KCNG4: variants seen among roughly 807,000 people sequenced by gnomAD.
The protein encoded by KCNG4 is potassium voltage-gated channel modifier subfamily G member 4, also known as voltage-gated potassium channel regulatory subunit KCNG4.
KCNG4 carries 30 observed loss-of-function variants against 28.2 expected under a neutral mutation model. That is an observed-to-expected ratio of 1.06 (90% confidence interval 0.80 to 1.44). The LOEUF (loss-of-function observed/expected upper bound fraction) is 1.44, where lower values mean the gene tolerates loss of function less well. KCNG4 is among the 40% of genes most tolerant of loss of function. The probability of loss-of-function intolerance (pLI) is 0.00; values close to 1 mark genes in which losing one functional copy is unlikely to be tolerated. For synonymous variants in KCNG4, 375 were observed against 315.5 expected (o/e 1.19, Z -2.00); for missense variants, 879 against 712.3 (o/e 1.23, Z -2.66).
chr16:84,222,811 C>A lies in KCNG4; in HGVS notation c.966G>T (p.Arg322Ser). The stretch of plus-strand genomic sequence containing the variant: ...TCTCCAGGTAGGAGCTCCCGCTCGG[C>A]CTCTCGCCGTCCTCCGGGGGCTCCT... ...VSEEPPEDGE[R>S]PSGSSYLEKV... The change falls in exon 3 of 3, where the codon AGG becomes AGT. Residue 322 changes from arginine (R) to serine (S), a missense_variant. Transcript: ENST00000308251. The A allele has an allele frequency of 6.2e-7, 1 of 1,610,088 alleles. No individual in the cohort carries two copies. Among genetic ancestry groups the A allele is most frequent in the Non-Finnish European group, 8.5e-7 (1 of 1,177,040 alleles).
intron 2 of KCNG4, among the ~76,000 whole-genome samples, chr16:84,233,559 C>T (rs1904874976): frequency 6.6e-6 from 1 of 152,046 alleles, no homozygotes; most frequent in Non-Finnish European, 1.5e-5. Context: ...AAAAAATTAG[C>T]TGGGTGTGGT....
At chr16:84,225,703 G>A (rs1904681677) in intron 2 of KCNG4, among the ~76,000 whole-genome samples, 1 of 152,254 alleles carries the variant, frequency 6.6e-6, no homozygotes, top group South Asian at 2.1e-4. Context: ...AGAAGGCGCT[G>A]CCAGGTCCTC....
intron 2 of KCNG4, among the ~76,000 whole-genome samples, chr16:84,233,065 C>CTGAATGAA (rs149420585): frequency 1.1e-3 from 161 of 151,842 alleles, no homozygotes; most frequent in Non-Finnish European, 1.7e-3. Flanking sequence ...TTAACTACTA[C>CTGAATGAA]TGAATGAATG....
rs1420984041 is a variant in KCNG4, at chr16:84,237,139, C to A, written c.347G>T (p.Ser116Ile). The A allele has an allele frequency of 7.4e-6, 12 of 1,614,066 alleles. No homozygotes were observed. Among genetic ancestry groups the A allele is most frequent in the Non-Finnish European group, 1.0e-5 (12 of 1,180,050 alleles). ...EDSQEFFFDRSPSAFGVIVSF... is the reference protein window; with the variant it reads ...EDSQEFFFDRIPSAFGVIVSF... The stretch of plus-strand genomic sequence containing the variant: ...CACGATCACCCCGAAGGCGCTGGGG[C>A]TCCTGTCGAAGAAGAACTCCTGGCT... The change falls in exon 2 of 3, where the codon AGC becomes ATC. Residue 116 changes from serine to isoleucine, a missense_variant. Ser to Ile is a moderately radical substitution (Grantham distance 142). Coordinates refer to ENST00000308251, the MANE Select transcript of KCNG4 (RefSeq NM_172347.3).
intron 1 of KCNG4, among the ~76,000 whole-genome samples, chr16:84,239,414 A>T (rs1282711377): frequency 6.6e-6 from 1 of 152,196 alleles, no homozygotes; most frequent in East Asian, 1.9e-4. Context: ...GCAAATCCGA[A>T]TCCAACCCAG....
chr16:84,229,190 C>T (rs1014199984), intron 2 of KCNG4, among the ~76,000 whole-genome samples: 2 of 151,574 alleles, frequency 1.3e-5, no homozygotes. Flanking sequence ...ATCCGTTACT[C>T]GGGAGGCTGA....
In KCNG4 at chr16:84,221,537, C is replaced by G. The variant is rs759732709; in HGVS notation, c.*680G>C. On this transcript the variant is annotated 3_prime_UTR_variant, in exon 3 of 3. Coordinates refer to ENST00000308251, the MANE Select transcript of KCNG4 (RefSeq NM_172347.3). Reference sequence around the variant, plus strand: ...AGATCCCAGGCATGCCTGGGGATGCCTGCTCCTTCTTGAGCTCCAGGTAAA... The same window carrying G: ...AGATCCCAGGCATGCCTGGGGATGCGTGCTCCTTCTTGAGCTCCAGGTAAA... 4 of 152,212 alleles carry G rather than the reference C, an allele frequency of 2.6e-5. No homozygotes were observed. Among genetic ancestry groups the G allele is most frequent in the Non-Finnish European group, 4.4e-5 (3 of 68,088 alleles). 9.4% of individuals were successfully genotyped at this position (152,212 alleles called of 1,614,324 possible). A position where few individuals can be genotyped will look rare whatever the true frequency, so the allele number is the denominator to read the frequency against.
At position 84,236,716 on chromosome 16, in the gene KCNG4, C is replaced by A. The variant is rs566568536; in HGVS notation, c.756+14G>T. On this transcript the variant is annotated intron_variant, in intron 2 of 2. Transcript: ENST00000308251. ...TGCGGGATGGAGCCGTGAATGCCAT[C>A]AGAGGCCGCTCACCTGGTCCTCCTC... 58 of 1,597,218 alleles carry A rather than the reference C, an allele frequency of 3.6e-5. No individual in the cohort carries two copies. In the South Asian group the frequency reaches 6.0e-4, roughly 17 times the overall value.
chr16:84,236,501 C>A lies in KCNG4; in HGVS notation c.756+229G>T, dbSNP rs952361902. 3 of 588,496 alleles carry A rather than the reference C, an allele frequency of 5.1e-6. No homozygotes were observed. In the East Asian group the frequency reaches 8.9e-5, roughly 18 times the overall value. 36.5% of individuals were successfully genotyped at this position (588,496 alleles called of 1,614,324 possible). On this transcript the variant is annotated intron_variant, in intron 2 of 2. Transcript: ENST00000308251. ...GCTGAGGGCCACGTAATGATTTTCA[C>A]GGTGAGCCTTAGGCACTTTTGCCTT...
intron 2 of KCNG4, among the ~76,000 whole-genome samples, chr16:84,233,982 G>A (rs1202525883): frequency 6.6e-6 from 1 of 152,096 alleles, no homozygotes; most frequent in Non-Finnish European, 1.5e-5. Flanking sequence ...ACTTCCCTAT[G>A]CTGCCACAGG....
At chr16:84,234,945 A>C (rs528545542) in intron 2 of KCNG4, among the ~76,000 whole-genome samples, 1 of 152,278 alleles carries the variant, frequency 6.6e-6, no homozygotes, top group East Asian at 1.9e-4. Context: ...TCTGGGCAGC[A>C]CCTCAGCCTG....
intron 2 of KCNG4, among the ~76,000 whole-genome samples, chr16:84,230,588 G>C (rs1485751279): frequency 6.6e-6 from 1 of 152,004 alleles, no homozygotes; most frequent in East Asian, 1.9e-4. Flanking sequence ...AACAAACAAA[G>C]AAAACTCTCT....
At chr16:84,232,154 C>T (rs1182289205) in intron 2 of KCNG4, among the ~76,000 whole-genome samples, 10 of 152,136 alleles carry the variant, frequency 6.6e-5, no homozygotes, top group Admixed American at 6.5e-4. Context: ...TGGAACGTGT[C>T]TTTCTATCTT....
intron 2 of KCNG4, among the ~76,000 whole-genome samples, chr16:84,232,220 T>C (rs1904844044): frequency 6.6e-6 from 1 of 152,124 alleles, no homozygotes; most frequent in Admixed American, 6.5e-5. Context: ...AATAGTGGCA[T>C]ATACATACAG....
chr16:84,229,701 G>A (rs559989034), intron 2 of KCNG4, among the ~76,000 whole-genome samples: 1 of 152,318 alleles, frequency 6.6e-6, no homozygotes, highest in East Asian at 1.9e-4. Flanking sequence ...CGGGGGGCTG[G>A]AGTTGGACCT....
At chr16:84,229,523 G>T (rs1371740793) in intron 2 of KCNG4, among the ~76,000 whole-genome samples, 1 of 152,230 alleles carries the variant, frequency 6.6e-6, no homozygotes, top group African/African-American at 2.4e-5. Flanking sequence ...TCCCCGTGTG[G>T]GGAAGGCGGG....
At chr16:84,231,672 G>C (rs573808195) in intron 2 of KCNG4, among the ~76,000 whole-genome samples, 1 of 152,150 alleles carries the variant, frequency 6.6e-6, no homozygotes, top group African/African-American at 2.4e-5. Flanking sequence ...GAGGTCCAGG[G>C]GTAGACGTGA....
intron 2 of KCNG4, 41 bp from the exon 3 acceptor site, chr16:84,223,061 C>T: frequency 2.1e-6 from 3 of 1,462,632 alleles, no homozygotes; most frequent in Non-Finnish European, 2.8e-6. Flanking sequence ...AGAGAGTGGA[C>T]TTGCAACTGT....
In KCNG4 at chr16:84,236,914, C is replaced by A; in HGVS notation, c.572G>T (p.Arg191Leu). 6.2e-7 allele frequency: 1 copy of A among 1,613,432 alleles called. No individual in the cohort carries two copies. Among genetic ancestry groups the A allele is most frequent in the Non-Finnish European group, 8.5e-7 (1 of 1,179,998 alleles). The change falls in exon 2 of 3, where the codon CGC (arginine) becomes CTC (leucine). Residue 191 changes from arginine (R) to leucine (L), a missense_variant. Arg to Leu is a moderately radical substitution (Grantham distance 102). Coordinates refer to ENST00000308251, the MANE Select transcript of KCNG4 (RefSeq NM_172347.3). Reference sequence around the variant, plus strand: ...GCGCGAGGAGTGCGAGGCGGGGCGGCGGGTCTCCCTCTGCTGCCTCAGTAC... The same window carrying A: ...GCGCGAGGAGTGCGAGGCGGGGCGGAGGGTCTCCCTCTGCTGCCTCAGTAC... The part of the protein sequence containing the change: ...EDVLRQQRET[R>L]RPASHSSRWG...
Sources: allele counts gnomAD v4.1 joint callset (sites outside exome capture counted in the v4.1 genomes callset), GRCh38; gene constraint gnomAD v4.1.1; transcripts MANE v1.5; gene names NCBI Gene and HGNC (gene_info 2026-07-23, HGNC 2026-07-21).